The following RAB4B variants were observed in gnomAD, a reference collection of about 807,000 sequenced individuals.
The protein encoded by RAB4B is ras-related protein Rab-4B.
In RAB4B, 15 loss-of-function variants were observed where a neutral mutation model predicts 28.3. That is an observed-to-expected ratio of 0.53 (90% CI 0.35 to 0.82). The LOEUF (loss-of-function observed/expected upper bound fraction) is 0.82, where lower values mean the gene tolerates loss of function less well. Ranked by LOEUF, RAB4B falls within the 40% of genes least tolerant of loss-of-function variation. RAB4B has a pLI of 0.01. For synonymous variants in RAB4B, 108 were observed against 116.3 expected (o/e 0.93, Z 0.46); for missense variants, 244 against 288.5 (o/e 0.85, Z 1.12).
chr19:40,784,579 A>T (rs2083080792), intron 5 of RAB4B, among the ~76,000 whole-genome samples: 1 of 152,108 alleles, frequency 6.6e-6, no homozygotes, highest in Non-Finnish European at 1.5e-5. Context: ...CAGTTTCTTC[A>T]TCTGGAAAGT....
intron 5 of RAB4B, among the ~76,000 whole-genome samples, chr19:40,784,455 T>G (rs1465589082): frequency 6.6e-6 from 1 of 152,116 alleles, no homozygotes; most frequent in Non-Finnish European, 1.5e-5. Context: ...ATCACGCCAT[T>G]GTACTCCAGT....
At chr19:40,779,652 A>C (rs2083028284) in intron 1 of RAB4B, 1 of 236,314 alleles carries the variant, frequency 4.2e-6, no homozygotes, top group Non-Finnish European at 8.4e-6. Flanking sequence ...CTGAGGCAGG[A>C]GAATTGCTTG....
chr19:40,787,619 G>C (rs573088338), intron 7 of RAB4B, among the ~76,000 whole-genome samples: 3 of 151,028 alleles, frequency 2.0e-5, no homozygotes, highest in Middle Eastern at 3.5e-3. Context: ...AGAGGCCCAG[G>C]GGGGTCAGGG....
At chr19:40,781,083 C>A (rs2083041934) in intron 3 of RAB4B, among the ~76,000 whole-genome samples, 1 of 145,186 alleles carries the variant, frequency 6.9e-6, no homozygotes, top group Non-Finnish European at 1.5e-5. Context: ...CAAGACCAGC[C>A]TGCCAATATG....
At chr19:40,779,900 G>A in intron 1 of RAB4B, 119 bp from the exon 2 acceptor site, 1 of 1,580,686 alleles carries the variant, frequency 6.3e-7, no homozygotes, top group Non-Finnish European at 8.6e-7. Flanking sequence ...TTCTGCCTAT[G>A]TCTGTTTCTC....
At chr19:40,782,231 G>C (rs189621498) in intron 3 of RAB4B, among the ~76,000 whole-genome samples, 3 of 152,126 alleles carry the variant, frequency 2.0e-5, no homozygotes, top group Admixed American at 6.6e-5. Flanking sequence ...GCATGGGCTA[G>C]GTTTACGGTG....
intron 3 of RAB4B, 137 bp from the exon 4 acceptor site, chr19:40,783,641 C>T (rs938579218): frequency 4.1e-6 from 3 of 725,600 alleles, no homozygotes; most frequent in African/African-American, 1.8e-5. Flanking sequence ...CATGGTGACC[C>T]GACCAAGGCC....
chr19:40,783,877 G>T, intron 4 of RAB4B, 37 bp downstream of exon 4: 1 of 1,581,948 alleles, frequency 6.3e-7, no homozygotes, highest in Non-Finnish European at 8.6e-7. Context: ...GGCATGGGTG[G>T]TTCCTCTCCT....
intron 7 of RAB4B, among the ~76,000 whole-genome samples, chr19:40,795,647 G>A (rs1466851561): frequency 6.6e-6 from 1 of 151,710 alleles, no homozygotes; most frequent in Non-Finnish European, 1.5e-5. Flanking sequence ...TGCCTGTCTC[G>A]GCCTCCCAAA....
chr19:40,787,547 A>G (rs2083112456), intron 7 of RAB4B, among the ~76,000 whole-genome samples: 1 of 149,512 alleles, frequency 6.7e-6, no homozygotes, highest in African/African-American at 2.5e-5. Context: ...AAAAAAAAAA[A>G]GAAAGAAAGG....
intron 3 of RAB4B, 62 bp downstream of exon 3, chr19:40,780,561 T>C: frequency 7.1e-7 from 1 of 1,408,468 alleles, no homozygotes; most frequent in Non-Finnish European, 9.9e-7. Context: ...GAGAGAGATG[T>C]GTGTGTAGAG....
At chr19:40,786,793 G>A (rs1438177558) in intron 6 of RAB4B, 33 bp downstream of exon 6, 1 of 1,614,116 alleles carries the variant, frequency 6.2e-7, no homozygotes, top group Middle Eastern at 1.6e-4. Flanking sequence ...TGGGAGCGAA[G>A]GGCAGGCCCG....
intron 7 of RAB4B, among the ~76,000 whole-genome samples, chr19:40,795,682 A>T (rs1403217421): frequency 6.6e-6 from 1 of 151,514 alleles, no homozygotes; most frequent in East Asian, 1.9e-4. Context: ...GGCGTGAGCC[A>T]CCGTGCCTGG....
rs1359123313 is a variant in RAB4B at position 40,796,732 on chromosome 19, G to A, written c.*178G>A. ...GGCAAGACTGAGCCACGGGGGAAGGGGGAATCCCGTACCTGCTGCTGCTTC... is the reference window on the plus strand; with the variant it reads ...GGCAAGACTGAGCCACGGGGGAAGGAGGAATCCCGTACCTGCTGCTGCTTC... On this transcript the variant is annotated 3_prime_UTR_variant, in exon 8 of 8. Transcript: ENST00000357052. 6.5e-6 allele frequency: 1 copy of A among 153,036 alleles called. No homozygotes were observed. Among genetic ancestry groups the A allele is most frequent in the Non-Finnish European group, 1.5e-5 (1 of 68,374 alleles). 9.5% of individuals were successfully genotyped at this position (153,036 alleles called of 1,614,324 possible). A position where few individuals can be genotyped will look rare whatever the true frequency, so the allele number is the denominator to read the frequency against.
intron 7 of RAB4B, among the ~76,000 whole-genome samples, chr19:40,788,885 G>A (rs2083129829): frequency 6.7e-6 from 1 of 148,578 alleles, no homozygotes. Flanking sequence ...TGCCTCCTGA[G>A]TTCAAGTTGC....
intron 7 of RAB4B, among the ~76,000 whole-genome samples, chr19:40,789,619 T>G (rs1430847548): frequency 1.3e-5 from 2 of 150,710 alleles, no homozygotes; most frequent in African/African-American, 4.9e-5. Context: ...TTCTCCTGCC[T>G]CAGTCTCCCG....
At chr19:40,779,041 T>C in intron 1 of RAB4B, 3 of 972,162 alleles carry the variant, frequency 3.1e-6, no homozygotes, top group Non-Finnish European at 3.7e-6. Flanking sequence ...GGGAGAAGAG[T>C]GCAAAGACCC....
chr19:40,792,909 T>C lies in RAB4B; in HGVS notation c.*16-3661T>C, dbSNP rs879614978. 3.3e-5 allele frequency among the ~76,000 whole-genome samples: 5 copies of C among 151,782 alleles called. 1 individual carries two copies. Among genetic ancestry groups the C allele is most frequent in the African/African-American group, 4.8e-5 (2 of 41,260 alleles). On this transcript the variant is annotated intron_variant, in intron 7 of 7. Coordinates refer to ENST00000357052, the MANE Select transcript of RAB4B (RefSeq NM_016154.5). ...AATTCTCCTGCCTCAACCTCTGGAG[T>C]AGCTGGAATTACAGGCATGCACCAC... is the stretch of plus-strand genomic sequence containing the variant.
chr19:40,789,225 G>A (rs940949677), intron 7 of RAB4B, among the ~76,000 whole-genome samples: 2 of 150,394 alleles, frequency 1.3e-5, no homozygotes, highest in African/African-American at 4.9e-5. Context: ...TTTCTGAGAT[G>A]GAGTTTCACT....
Sources: gnomAD v4.1 joint callset for allele counts (sites outside exome capture counted in the v4.1 genomes callset) on GRCh38, gnomAD v4.1.1 for gene constraint, MANE v1.5 for transcripts, NCBI Gene and HGNC (gene_info 2026-07-23, HGNC 2026-07-21) for gene names.